RPTOR: variants seen among roughly 807,000 people sequenced by gnomAD.
The protein encoded by RPTOR is regulatory-associated protein of mTOR.
RPTOR carries 21 observed loss-of-function variants against 169.9 expected under a neutral mutation model. The ratio of observed to expected loss-of-function variants is 0.12; its 90% CI spans 0.09 to 0.18. The LOEUF (loss-of-function observed/expected upper bound fraction) is 0.18, where lower values mean the gene tolerates loss of function less well. RPTOR is among the 10% of genes least tolerant of loss of function. The pLI is 1.00. For synonymous variants in RPTOR, 732 were observed against 753.2 expected (o/e 0.97, Z 0.46); for missense variants, 1,133 against 1,855.9 (o/e 0.61, Z 7.16).
chr17:80,634,930 C>T (rs531915704), intron 2 of RPTOR, among the ~76,000 whole-genome samples: 24 of 147,390 alleles, frequency 1.6e-4, no homozygotes, highest in African/African-American at 4.3e-4. Context: ...GTGTGCATAC[C>T]GCGTGTGCAT....
chr17:80,780,971 G>A (rs1027530516), intron 6 of RPTOR, among the ~76,000 whole-genome samples: 3 of 152,212 alleles, frequency 2.0e-5, no homozygotes, highest in African/African-American at 2.4e-5. Flanking sequence ...GGATCCTGTT[G>A]CCTCAGCCCA....
intron 3 of RPTOR, among the ~76,000 whole-genome samples, chr17:80,656,276 G>A (rs1390822043): frequency 6.6e-6 from 1 of 152,094 alleles, no homozygotes; most frequent in Non-Finnish European, 1.5e-5. Context: ...TCACCATGTT[G>A]GTCAGGCTGG....
intron 7 of RPTOR, chr17:80,804,486 C>G (rs577657725): frequency 9.5e-4 from 144 of 152,372 alleles, no homozygotes; most frequent in African/African-American, 3.2e-3. Flanking sequence ...TGCAAGAGAG[C>G]TCCTTTCCTG....
At chr17:80,662,296 C>T (rs1319786256) in intron 3 of RPTOR, among the ~76,000 whole-genome samples, 6 of 152,194 alleles carry the variant, frequency 3.9e-5, no homozygotes, top group East Asian at 1.9e-4. Context: ...GTCTTGTCTG[C>T]TGCACAGACA....
intron 4 of RPTOR, chr17:80,709,213 G>C (rs1194184949): frequency 2.1e-6 from 1 of 466,548 alleles, no homozygotes; most frequent in East Asian, 1.5e-4. Context: ...GTTAAATATT[G>C]AGTAAATTCA....
At chr17:80,745,768 A>AC (rs563223570) in intron 5 of RPTOR, among the ~76,000 whole-genome samples, 78 of 152,376 alleles carry the variant, frequency 5.1e-4, no homozygotes, top group African/African-American at 1.8e-3. Context: ...ATTACTTGGT[A>AC]AAGACTCCTC....
At chr17:80,692,278 CGTT>C (rs2065999075) in intron 3 of RPTOR, among the ~76,000 whole-genome samples, 7 of 145,484 alleles carry the variant, frequency 4.8e-5, no homozygotes, top group African/African-American at 1.5e-4. Flanking sequence ...TGTCTGGCTA[CGTT>C]ATGTTATGTT....
At chr17:80,675,636 C>A (rs2065856152) in intron 3 of RPTOR, among the ~76,000 whole-genome samples, 1 of 152,194 alleles carries the variant, frequency 6.6e-6, no homozygotes, top group African/African-American at 2.4e-5. Flanking sequence ...CGCCCCACTC[C>A]AGTTCATGGG....
chr17:80,566,545 G>A (rs2064842696), intron 1 of RPTOR, among the ~76,000 whole-genome samples: 1 of 152,098 alleles, frequency 6.6e-6, no homozygotes, highest in Admixed American at 6.5e-5. Flanking sequence ...TCCTGGCTGG[G>A]TGCGGTGGCT....
intron 20 of RPTOR, 43 bp downstream of exon 20, chr17:80,893,908 G>A (rs778789116): frequency 6.7e-7 from 1 of 1,503,192 alleles, no homozygotes; most frequent in South Asian, 1.3e-5. Context: ...GGCCCCGAGG[G>A]TCTCCTCCCC....
chr17:80,847,624 G>A (rs1178700595), intron 11 of RPTOR, among the ~76,000 whole-genome samples: 1 of 152,214 alleles, frequency 6.6e-6, no homozygotes, highest in Admixed American at 6.5e-5. Flanking sequence ...GCCCTTTTTG[G>A]TTTAAAGCTG....
intron 2 of RPTOR, among the ~76,000 whole-genome samples, chr17:80,638,213 A>G (rs1237155598): frequency 6.6e-6 from 1 of 152,184 alleles, no homozygotes; most frequent in Admixed American, 6.5e-5. Flanking sequence ...AAGGAAGAGC[A>G]TGAGCCCACA....
intron 1 of RPTOR, among the ~76,000 whole-genome samples, chr17:80,586,088 G>GC (rs1234902515): frequency 2.0e-5 from 3 of 152,090 alleles, no homozygotes; most frequent in African/African-American, 4.8e-5. Context: ...AGATGGAGGG[G>GC]CCGCTAGGCA....
At chr17:80,716,454 AT>A (rs1235042742) in intron 4 of RPTOR, among the ~76,000 whole-genome samples, 2 of 151,502 alleles carry the variant, frequency 1.3e-5, no homozygotes, top group African/African-American at 2.4e-5. Flanking sequence ...TTTGTTGTAG[AT>A]TTCCGGATAT....
rs1246194159 is a variant in RPTOR at position 80,878,980 on chromosome 17, G to A, written c.1510-1435G>A. On this transcript the variant is annotated intron_variant, in intron 13 of 33. Transcript: ENST00000306801. This position sits in a 1 kb window ranked among gnomAD's most constrained non-coding sequence, Gnocchi z 4.1. ...CGTCCCTCCTCCTTCCCCAGGCCCCGTCCCCCGCCTTGCCCTCTGAAAGTG... is the reference window on the plus strand; with the variant it reads ...CGTCCCTCCTCCTTCCCCAGGCCCCATCCCCCGCCTTGCCCTCTGAAAGTG... Among the ~76,000 whole-genome samples the A allele has an allele frequency of 3.9e-5, 6 of 151,926 alleles. No homozygotes were observed. The highest frequency in any genetic ancestry group is 1.3e-4 in the Admixed American group (2 of 15,270).
At chr17:80,587,330 C>T (rs926002892) in intron 1 of RPTOR, among the ~76,000 whole-genome samples, 12 of 152,218 alleles carry the variant, frequency 7.9e-5, no homozygotes, top group Admixed American at 3.3e-4. Context: ...GTAAGACACC[C>T]GAGATCGATT....
At chr17:80,640,389 A>G (rs1041306046) in intron 2 of RPTOR, among the ~76,000 whole-genome samples, 1 of 152,218 alleles carries the variant, frequency 6.6e-6, no homozygotes, top group African/African-American at 2.4e-5. Flanking sequence ...TGCTAAATGC[A>G]TCGTTTCATT....
intron 2 of RPTOR, among the ~76,000 whole-genome samples, 154 bp from the exon 3 acceptor site, chr17:80,643,574 A>T (rs894847446): frequency 9.2e-5 from 14 of 152,222 alleles, no homozygotes; most frequent in African/African-American, 3.4e-4. Flanking sequence ...CTGTTCAGTA[A>T]ATCTGGTTAA....
At chr17:80,866,311 G>C (rs1215501361) in intron 13 of RPTOR, among the ~76,000 whole-genome samples, 1 of 152,120 alleles carries the variant, frequency 6.6e-6, no homozygotes. Context: ...GTGCTGAGAG[G>C]GGAGTGTGTA....
Sources: allele counts gnomAD v4.1 joint callset (sites outside exome capture counted in the v4.1 genomes callset), GRCh38; gene constraint gnomAD v4.1.1; non-coding constraint Gnocchi (gnomAD v3.1); transcripts MANE v1.5; gene names NCBI Gene and HGNC (gene_info 2026-07-23, HGNC 2026-07-21).